Variants in ADGRL3 observed in about 807,000 individuals in gnomAD.
ADGRL3 encodes the protein calcium-independent alpha-latrotoxin receptor 3.
ADGRL3 carries 62 observed loss-of-function variants against 153.5 expected under a neutral mutation model. The ratio of observed to expected loss-of-function variants is 0.40; its 90% CI spans 0.33 to 0.50. The LOEUF is 0.50. Ranked by LOEUF, ADGRL3 falls within the 20% of genes least tolerant of loss-of-function variation. ADGRL3 has a pLI of 0.47. For missense variants in ADGRL3, 1,641 were observed against 1,859.4 expected, an observed-to-expected ratio of 0.88 and a Z score of 2.16; for synonymous variants, 710 against 672.5, an observed-to-expected ratio of 1.06 and a Z score of -0.86.
intron 1 of ADGRL3, among the ~76,000 whole-genome samples, chr4:61,282,514 G>A (rs926438057): frequency 2.0e-5 from 3 of 151,936 alleles, no homozygotes; most frequent in Admixed American, 6.6e-5. Context: ...TGAGAAGTTG[G>A]CTTTTGGAGG....
intron 2 of ADGRL3, among the ~76,000 whole-genome samples, chr4:61,401,462 T>C (rs2096929473): frequency 6.6e-6 from 1 of 151,998 alleles, no homozygotes; most frequent in African/African-American, 2.4e-5. Context: ...ACAAATACGT[T>C]TCACACAATG....
At chr4:61,404,606 A>G (rs1200644654) in intron 2 of ADGRL3, among the ~76,000 whole-genome samples, 1 of 152,118 alleles carries the variant, frequency 6.6e-6, no homozygotes, top group African/African-American at 2.4e-5. Flanking sequence ...GTGACTGCTG[A>G]GAAGTGAGAA....
At chr4:62,016,173 C>A (rs142377287) in intron 21 of ADGRL3, among the ~76,000 whole-genome samples, 3,555 of 152,030 alleles carry the variant, frequency 0.023, 46 homozygotes, top group Middle Eastern at 0.041. Flanking sequence ...CTCAGCCTCC[C>A]GTGTAGCTGG....
intron 5 of ADGRL3, among the ~76,000 whole-genome samples, chr4:61,597,827 TTCTC>T (rs78444912): frequency 1.3e-5 from 2 of 152,110 alleles, no homozygotes; most frequent in East Asian, 3.9e-4. Flanking sequence ...TTTATCTTCT[TTCTC>T]TCTCCAAACC....
intron 8 of ADGRL3, among the ~76,000 whole-genome samples, chr4:61,764,438 GCAGGAGT>G (rs2096951065): frequency 6.8e-6 from 1 of 146,826 alleles, no homozygotes; most frequent in Non-Finnish European, 1.5e-5. Context: ...TGCTCAGTGG[GCAGGAGT>G]GGGGGTCGCA....
At chr4:61,536,270 C>T (rs1050397848) in intron 4 of ADGRL3, among the ~76,000 whole-genome samples, 19 of 152,046 alleles carry the variant, frequency 1.2e-4, no homozygotes, top group African/African-American at 3.6e-4. Flanking sequence ...TCAATTCTTT[C>T]GAGTTTATTG....
At chr4:61,556,234 A>G (rs1325716850) in intron 4 of ADGRL3, among the ~76,000 whole-genome samples, 4 of 152,134 alleles carry the variant, frequency 2.6e-5, no homozygotes. Flanking sequence ...TTGTTGATCT[A>G]TTGGGAGTTT....
intron 2 of ADGRL3, among the ~76,000 whole-genome samples, chr4:61,426,180 G>A (rs1296047954): frequency 6.6e-6 from 1 of 152,236 alleles, no homozygotes; most frequent in Non-Finnish European, 1.5e-5. Context: ...AAATGAGTTG[G>A]TGACCAACTA....
chr4:61,619,591 A>T (rs2092348758), intron 5 of ADGRL3, among the ~76,000 whole-genome samples: 1 of 151,906 alleles, frequency 6.6e-6, no homozygotes, highest in Admixed American at 6.6e-5. Flanking sequence ...TGTATTTGTT[A>T]TACTTTCGAT....
At chr4:61,864,999 T>C (rs2098385938) in intron 9 of ADGRL3, among the ~76,000 whole-genome samples, 1 of 152,180 alleles carries the variant, frequency 6.6e-6, no homozygotes, top group African/African-American at 2.4e-5. Flanking sequence ...ATGCAGAACC[T>C]AGTGATTTTT....
chr4:61,464,264 G>C (rs2152627040), intron 2 of ADGRL3, among the ~76,000 whole-genome samples: 1 of 152,278 alleles, frequency 6.6e-6, no homozygotes, highest in African/African-American at 2.4e-5. Context: ...TTCAAAACAA[G>C]TGTTGTAGCA....
At chr4:61,617,910 G>A (rs2092179200) in intron 5 of ADGRL3, among the ~76,000 whole-genome samples, 1 of 152,170 alleles carries the variant, frequency 6.6e-6, no homozygotes, top group Non-Finnish European at 1.5e-5. Flanking sequence ...AAATCAGAGT[G>A]CTTGTACTAG....
At chr4:62,039,845 C>A (rs1160995493) in intron 24 of ADGRL3, among the ~76,000 whole-genome samples, 1 of 152,140 alleles carries the variant, frequency 6.6e-6, no homozygotes, top group East Asian at 1.9e-4. Flanking sequence ...ATCCCGCATG[C>A]TTTTCACATT....
At chr4:61,422,144 G>A (rs545211681) in intron 2 of ADGRL3, among the ~76,000 whole-genome samples, 7 of 152,078 alleles carry the variant, frequency 4.6e-5, no homozygotes, top group Admixed American at 3.3e-4. Flanking sequence ...GTCTTTCTAC[G>A]TCTGAGTGAT....
intron 13 of ADGRL3, among the ~76,000 whole-genome samples, chr4:61,914,041 A>C (rs574511984): frequency 1.3e-5 from 2 of 152,288 alleles, no homozygotes; most frequent in South Asian, 2.1e-4. Context: ...GGATTTTACT[A>C]TCTAGGAGAA....
At chr4:61,387,593 T>C (rs1362739261) in intron 2 of ADGRL3, among the ~76,000 whole-genome samples, 1 of 152,066 alleles carries the variant, frequency 6.6e-6, no homozygotes, top group South Asian at 2.1e-4. Flanking sequence ...TTCAGCGATA[T>C]TTCTCCCATT....
chr4:61,937,110 A>C (rs962836422), intron 15 of ADGRL3, among the ~76,000 whole-genome samples: 2 of 152,212 alleles, frequency 1.3e-5, no homozygotes, highest in Non-Finnish European at 2.9e-5. Flanking sequence ...AGATTCCTGC[A>C]TTAGCTTCCT....
At chr4:61,827,049 G>T (rs2097812818) in intron 9 of ADGRL3, among the ~76,000 whole-genome samples, 1 of 152,132 alleles carries the variant, frequency 6.6e-6, no homozygotes, top group Admixed American at 6.6e-5. Flanking sequence ...CTGATCAGAT[G>T]TAGCAGAATA....
chr4:61,671,500 C>T (rs532178657), intron 5 of ADGRL3, among the ~76,000 whole-genome samples: 1 of 152,034 alleles, frequency 6.6e-6, no homozygotes, highest in Non-Finnish European at 1.5e-5. Flanking sequence ...ACATGTAAAT[C>T]GGAGGTTTAT....
Sources: gnomAD v4.1 joint callset for allele counts (sites outside exome capture counted in the v4.1 genomes callset) on GRCh38, gnomAD v4.1.1 for gene constraint, MANE v1.5 for transcripts, NCBI Gene and HGNC (gene_info 2026-07-23, HGNC 2026-07-21) for gene names.